Variants in VAC14 observed in about 807,000 individuals in gnomAD.
VAC14 encodes protein VAC14 homolog.
In VAC14, 47 loss-of-function variants were observed where a neutral mutation model predicts 85.3. That is an observed-to-expected ratio of 0.55 (90% CI 0.44 to 0.70). VAC14 has a LOEUF of 0.70. Ranked by LOEUF, VAC14 falls within the 30% of genes least tolerant of loss-of-function variation. VAC14 has a pLI of 0.00. For synonymous variants in VAC14, 447 were observed against 430.5 expected (o/e 1.04, Z -0.47); for missense variants, 861 against 1,004.3 (o/e 0.86, Z 1.93).
intron 5 of VAC14, among the ~76,000 whole-genome samples, chr16:70,783,818 A>G (rs545737765): frequency 1.3e-5 from 2 of 152,348 alleles, no homozygotes; most frequent in Admixed American, 6.5e-5. Context: ...AAAAGGCTAG[A>G]AAAAGTGAGA....
chr16:70,708,282 TCAGCTTACAC>T (rs2053961186), intron 14 of VAC14, among the ~76,000 whole-genome samples: 1 of 152,250 alleles, frequency 6.6e-6, no homozygotes, highest in Non-Finnish European at 1.5e-5. Flanking sequence ...TGGTTCCTTT[TCAGCTTACAC>T]CACAAGGCCT....
chr16:70,758,572 G>A (rs1169786886), intron 12 of VAC14, among the ~76,000 whole-genome samples: 3 of 152,348 alleles, frequency 2.0e-5, no homozygotes, highest in South Asian at 2.1e-4. Context: ...ACCATGGAGA[G>A]GGCCCCCATC....
chr16:70,791,217 C>T (rs966257517), intron 1 of VAC14, among the ~76,000 whole-genome samples: 1 of 152,236 alleles, frequency 6.6e-6, no homozygotes, highest in African/African-American at 2.4e-5. Flanking sequence ...AAACATTCTA[C>T]CCAGCCCTCA....
At chr16:70,755,593 A>C (rs1191782217) in intron 12 of VAC14, among the ~76,000 whole-genome samples, 2 of 152,228 alleles carry the variant, frequency 1.3e-5, no homozygotes, top group African/African-American at 4.8e-5. Flanking sequence ...ATGTGGATTC[A>C]TTAAGACACA....
chr16:70,696,532 T>G (rs2053714298), intron 16 of VAC14, among the ~76,000 whole-genome samples: 1 of 152,178 alleles, frequency 6.6e-6, no homozygotes, highest in Admixed American at 6.5e-5. Context: ...AACATCTAAC[T>G]CTGGATGCCT....
chr16:70,754,454 C>T (rs970832594), intron 12 of VAC14, among the ~76,000 whole-genome samples: 8 of 152,308 alleles, frequency 5.3e-5, no homozygotes, highest in African/African-American at 1.9e-4. Flanking sequence ...GGCTCAGGGC[C>T]GTGGCTGGAG....
chr16:70,792,813 C>A (rs749268823), intron 1 of VAC14, among the ~76,000 whole-genome samples: 7 of 152,202 alleles, frequency 4.6e-5, no homozygotes, highest in Non-Finnish European at 5.9e-5. Flanking sequence ...TCACAGGTCA[C>A]ATGAGGACTA....
At chr16:70,783,589 C>T (rs1455486460) in intron 5 of VAC14, 35 bp from the exon 6 acceptor site, 1 of 1,600,808 alleles carries the variant, frequency 6.2e-7, no homozygotes, top group African/African-American at 1.3e-5. Context: ...GGGAAGTCAG[C>T]TCCAGAACCC....
chr16:70,760,231 T>C (rs2032214963), intron 12 of VAC14, among the ~76,000 whole-genome samples: 1 of 152,168 alleles, frequency 6.6e-6, no homozygotes, highest in Non-Finnish European at 1.5e-5. Flanking sequence ...TTCATAGTCT[T>C]GAATCCCAGG....
At chr16:70,760,674 C>T (rs771517698) in intron 12 of VAC14, among the ~76,000 whole-genome samples, 15 of 152,284 alleles carry the variant, frequency 9.9e-5, no homozygotes, top group Middle Eastern at 3.4e-3. Context: ...GCCTGAACAG[C>T]GCTGTTTAAT....
chr16:70,790,306 A>G (rs2034278123), intron 1 of VAC14, among the ~76,000 whole-genome samples: 1 of 152,108 alleles, frequency 6.6e-6, no homozygotes, highest in South Asian at 2.1e-4. Context: ...GGCTGAACAA[A>G]GGCTCAGAGG....
At chr16:70,798,084 T>C (rs924188072) in intron 1 of VAC14, among the ~76,000 whole-genome samples, 1 of 152,254 alleles carries the variant, frequency 6.6e-6, no homozygotes, top group Non-Finnish European at 1.5e-5. Flanking sequence ...ATTATTATTA[T>C]GCTCTTTTTA....
At chr16:70,696,625 A>C (rs920582539) in intron 16 of VAC14, among the ~76,000 whole-genome samples, 1 of 152,192 alleles carries the variant, frequency 6.6e-6, no homozygotes, top group Admixed American at 6.5e-5. Flanking sequence ...CCAGTGTGTC[A>C]TCCTCAAGCC....
At chr16:70,701,490 G>A (rs1278493485) in intron 14 of VAC14, among the ~76,000 whole-genome samples, 2 of 152,048 alleles carry the variant, frequency 1.3e-5, no homozygotes, top group Admixed American at 6.5e-5. Context: ...ACGTATGGGG[G>A]CCTTACCCTG....
chr16:70,719,071 G>C (rs951363985), intron 14 of VAC14, among the ~76,000 whole-genome samples: 1 of 152,222 alleles, frequency 6.6e-6, no homozygotes, highest in African/African-American at 2.4e-5. Flanking sequence ...GACCACCGCT[G>C]GCCTGGCTGC....
Position 70,762,858 on chromosome 16 carries a change from G to A in VAC14, c.1305+23C>T. The A allele has an allele frequency of 6.2e-7, 1 of 1,614,094 alleles. No homozygotes were observed. Among genetic ancestry groups the A allele is most frequent in the Non-Finnish European group, 8.5e-7 (1 of 1,179,992 alleles). On this transcript the variant is annotated intron_variant, in intron 11 of 18. Transcript: ENST00000261776. This position sits in a 1 kb window ranked among gnomAD's most constrained non-coding sequence, Gnocchi z 4.1. ...AAGGCGGACCCAGAAGAGGCCCCTG[G>A]CTTGGAGGGGCCCAGGGCTCACCTT...
intron 1 of VAC14, among the ~76,000 whole-genome samples, chr16:70,791,776 T>C (rs535024274): frequency 1.3e-5 from 2 of 152,294 alleles, no homozygotes; most frequent in African/African-American, 4.8e-5. Flanking sequence ...GAACTTTGAG[T>C]GCAGTAGGTG....
chr16:70,781,766 G>A (rs1457728830), intron 8 of VAC14, 103 bp downstream of exon 8: 1 of 1,469,874 alleles, frequency 6.8e-7, no homozygotes, highest in Non-Finnish European at 9.2e-7. Flanking sequence ...CTATGGAAGT[G>A]TGATGGATCC....
intron 13 of VAC14, among the ~76,000 whole-genome samples, chr16:70,732,065 A>C (rs1286319277): frequency 1.3e-5 from 2 of 152,180 alleles, no homozygotes; most frequent in Non-Finnish European, 2.9e-5. Context: ...AAAGAGAATA[A>C]ATGGGTAAGG....
Sources: gnomAD v4.1 joint callset for allele counts (sites outside exome capture counted in the v4.1 genomes callset) on GRCh38, gnomAD v4.1.1 for gene constraint, Gnocchi (gnomAD v3.1) non-coding constraint, MANE v1.5 for transcripts, NCBI Gene and HGNC (gene_info 2026-07-23, HGNC 2026-07-21) for gene names.